Variants in TENM2 observed in about 807,000 individuals in gnomAD.
TENM2 encodes the protein teneurin-2.
TENM2 carries 52 observed loss-of-function variants against 245.2 expected under a neutral mutation model. The observed-to-expected ratio is 0.21, with a 90% CI of 0.17 to 0.27. TENM2 has a LOEUF of 0.27. Ranked by LOEUF, TENM2 falls within the 10% of genes least tolerant of loss-of-function variation. The pLI is 1.00. For synonymous variants in TENM2, 1,363 were observed against 1,438.9 expected (o/e 0.95, Z 1.19); for missense variants, 3,046 against 3,666.8 (o/e 0.83, Z 4.37).
chr5:167,114,586 AG>A, the TENM2 span, among the ~76,000 whole-genome samples: 1 of 152,228 alleles, frequency 6.6e-6, no homozygotes, highest in Non-Finnish European at 1.5e-5. Flanking sequence ...TCATGAAAAA[AG>A]TACTCATTAA....
At chr5:167,240,917 G>T in the TENM2 span, among the ~76,000 whole-genome samples, 3 of 152,168 alleles carry the variant, frequency 2.0e-5, no homozygotes, top group African/African-American at 7.2e-5. Context: ...AGGTAGGGTG[G>T]ATGGTGAGGA....
chr5:168,237,239 A>C (rs1302099220), intron 25 of TENM2, among the ~76,000 whole-genome samples: 1 of 150,094 alleles, frequency 6.7e-6, no homozygotes, highest in Non-Finnish European at 1.5e-5. Flanking sequence ...GCTGGTCTTG[A>C]ACTCCTAACC....
At chr5:168,098,227 A>C in intron 9 of TENM2, 100 bp downstream of exon 11, 3 of 790,088 alleles carry the variant, frequency 3.8e-6, no homozygotes, top group South Asian at 1.5e-5. Context: ...TTCCCATCAA[A>C]TCCCCCGAGA....
At chr5:167,742,063 T>C (rs10072896) in intron 2 of TENM2, among the ~76,000 whole-genome samples, 16,377 of 152,190 alleles carry the variant, frequency 0.11, 1,010 homozygotes, top group African/African-American at 0.15. Context: ...CCAAAAGAAA[T>C]ATCCTAAGTG....
intron 5 of TENM2, among the ~76,000 whole-genome samples, chr5:168,018,728 T>G (rs1785882814): frequency 6.6e-6 from 1 of 152,202 alleles, no homozygotes; most frequent in Non-Finnish European, 1.5e-5. Flanking sequence ...ATTCTTATAC[T>G]TGGGTTGATT....
At chr5:167,160,018 T>C in the TENM2 span, among the ~76,000 whole-genome samples, 1 of 152,204 alleles carries the variant, frequency 6.6e-6, no homozygotes, top group African/African-American at 2.4e-5. Context: ...AGTCTCTAGA[T>C]AGTTGGGCTC....
intron 2 of TENM2, among the ~76,000 whole-genome samples, chr5:167,516,314 G>T (rs1002184351): frequency 1.3e-5 from 2 of 151,984 alleles, no homozygotes; most frequent in Non-Finnish European, 2.9e-5. Context: ...TTTCACTTTC[G>T]TAACCTCTCT....
intron 2 of TENM2, among the ~76,000 whole-genome samples, chr5:167,734,534 A>G (rs1750163471): frequency 6.7e-6 from 1 of 150,152 alleles, no homozygotes. Context: ...ATAGTTAATG[A>G]CAACAAGGCT....
chr5:167,156,720 A>G, the TENM2 span, among the ~76,000 whole-genome samples: 2 of 152,268 alleles, frequency 1.3e-5, no homozygotes, highest in African/African-American at 4.8e-5. Flanking sequence ...TGAGAAACTC[A>G]AAGAGGGCAA....
intron 1 of TENM2, among the ~76,000 whole-genome samples, chr5:167,335,998 A>G (rs976443993): frequency 7.9e-5 from 12 of 152,048 alleles, no homozygotes; most frequent in Admixed American, 2.0e-4. Flanking sequence ...TAATAGGCTA[A>G]CTAACTATCT....
At chr5:167,849,866 A>AT (rs1370668878) in intron 2 of TENM2, among the ~76,000 whole-genome samples, 13 of 152,194 alleles carry the variant, frequency 8.5e-5, no homozygotes, top group African/African-American at 3.1e-4. Flanking sequence ...TGGAGCTTCC[A>AT]TGCCTCTCCA....
At chr5:167,410,419 T>C (rs765097141) in intron 2 of TENM2, among the ~76,000 whole-genome samples, 20 of 152,048 alleles carry the variant, frequency 1.3e-4, no homozygotes, top group Non-Finnish European at 2.5e-4. Flanking sequence ...CATTTTGTAG[T>C]ATAGACATAA....
intron 1 of TENM2, chr5:167,309,867 C>T (rs1755914867): frequency 6.6e-6 from 1 of 152,062 alleles, no homozygotes; most frequent in African/African-American, 2.4e-5. Flanking sequence ...TCCCGGAGAC[C>T]CTTGTAGGAG....
chr5:167,267,848 G>A, the TENM2 span, among the ~76,000 whole-genome samples: 9 of 152,104 alleles, frequency 5.9e-5, 1 homozygote, highest in Admixed American at 5.2e-4. Context: ...TTATGGGGCT[G>A]TACATTTTTT....
chr5:168,145,355 G>A (rs1311292321), intron 12 of TENM2, among the ~76,000 whole-genome samples: 7 of 136,840 alleles, frequency 5.1e-5, no homozygotes, highest in Non-Finnish European at 9.3e-5. Flanking sequence ...ATTGATTTTT[G>A]TATAAGGTGT....
chr5:167,937,254 A>G (rs1185771390), intron 3 of TENM2, among the ~76,000 whole-genome samples: 3 of 152,230 alleles, frequency 2.0e-5, no homozygotes, highest in Non-Finnish European at 4.4e-5. Flanking sequence ...ATGAATTACT[A>G]TACTTTGTTT....
At chr5:166,983,091 T>G in the TENM2 span, among the ~76,000 whole-genome samples, 29 of 152,244 alleles carry the variant, frequency 1.9e-4, no homozygotes, top group South Asian at 6.0e-3. Flanking sequence ...TTAATAAACA[T>G]AAACCACTAC....
chr5:168,052,021 A>T (rs917864572), intron 6 of TENM2, among the ~76,000 whole-genome samples: 3 of 152,108 alleles, frequency 2.0e-5, no homozygotes, highest in African/African-American at 7.2e-5. Context: ...ACACTTTGGG[A>T]TGCGAAAGTG....
intron 4 of TENM2, among the ~76,000 whole-genome samples, chr5:167,962,427 A>G (rs1005324925): frequency 5.9e-5 from 9 of 152,090 alleles, no homozygotes; most frequent in Non-Finnish European, 1.2e-4. Context: ...AATATTTGAA[A>G]CTCCACTCAT....
Sources: allele counts gnomAD v4.1 joint callset (sites outside exome capture counted in the v4.1 genomes callset), GRCh38; gene constraint gnomAD v4.1.1; transcripts MANE v1.5; gene names NCBI Gene and HGNC (gene_info 2026-07-23, HGNC 2026-07-21).